CAMKK1: variants seen among roughly 807,000 people sequenced by gnomAD.
CAMKK1 encodes calcium/calmodulin dependent protein kinase kinase 1, also known as calcium/calmodulin-dependent protein kinase kinase 1.
CAMKK1 carries 20 observed loss-of-function variants against 63.5 expected under a neutral mutation model. That is an observed-to-expected ratio of 0.32 (90% CI 0.22 to 0.46). The LOEUF is 0.46. Among genes scored for constraint, CAMKK1 ranks in the 20% least tolerant of loss-of-function variants. CAMKK1 has a pLI of 1.00. For synonymous variants in CAMKK1, 253 were observed against 269.0 expected, an observed-to-expected ratio of 0.94 and a Z score of 0.58; for missense variants, 588 against 658.1, an observed-to-expected ratio of 0.89 and a Z score of 1.17.
chr17:3,879,809 C>T lies in CAMKK1; in HGVS notation c.796+537G>A, dbSNP rs925608602. 2 of 153,974 alleles carry T rather than the reference C, an allele frequency of 1.3e-5. No individual in the cohort carries two copies. Among genetic ancestry groups the T allele is most frequent in the African/African-American group, 4.8e-5 (2 of 41,490 alleles). The allele number at this position is 153,974 out of a possible 1,614,324, so 9.5% of individuals were successfully genotyped here. ...TCTGCCTGCCTAGATTCCTGTCCCT[C>T]CCACTAGGCCGTGAACTCGGGTCTG... On this transcript the variant is annotated intron_variant, in intron 9 of 15. Coordinates refer to ENST00000348335, the MANE Select transcript of CAMKK1 (RefSeq NM_032294.3). This position sits in a 1 kb window ranked among gnomAD's most constrained non-coding sequence, Gnocchi z 4.5.
chr17:3,883,340 C>A lies in CAMKK1; in HGVS notation c.514+89G>T, dbSNP rs766781054. The A allele has an allele frequency of 1.3e-6, 2 of 1,496,510 alleles. No homozygotes were observed. Among genetic ancestry groups the A allele is most frequent in the Non-Finnish European group, 1.9e-6 (2 of 1,074,494 alleles). 92.7% of individuals were successfully genotyped at this position (1,496,510 alleles called of 1,614,324 possible). On this transcript the variant is annotated intron_variant, in intron 5 of 15. Coordinates refer to ENST00000348335, the MANE Select transcript of CAMKK1 (RefSeq NM_032294.3). This position sits in a 1 kb window ranked among gnomAD's most constrained non-coding sequence, Gnocchi z 4.7. Reference sequence around the variant, plus strand: ...GCTCACGCTGTCTCCCTCTCTACCCCATTCCTAGCCAAAACTAGCTCAGGA... The same window carrying A: ...GCTCACGCTGTCTCCCTCTCTACCCAATTCCTAGCCAAAACTAGCTCAGGA...
At chr17:3,871,362 T>TG (rs2054856241) in intron 12 of CAMKK1, among the ~76,000 whole-genome samples, 1 of 121,346 alleles carries the variant, frequency 8.2e-6, no homozygotes, top group Non-Finnish European at 1.7e-5. Flanking sequence ...TTTTTTTTTT[T>TG]TTTTTTTTTT....
rs550682460 is a variant in CAMKK1, at chr17:3,890,049, C to G, written c.-44+2890G>C. Among the ~76,000 whole-genome samples, 1 of 152,196 alleles carries G rather than the reference C, an allele frequency of 6.6e-6. No individual in the cohort carries two copies. The highest frequency in any genetic ancestry group is 2.1e-4 in the South Asian group (1 of 4,832). On this transcript the variant is annotated intron_variant, in intron 1 of 15. Coordinates refer to ENST00000348335, the MANE Select transcript of CAMKK1 (RefSeq NM_032294.3). The surrounding 1 kb of genome is among the most constrained non-coding windows in gnomAD (Gnocchi z 6.5). ...TGGACAGCCGTGACCAGCAGAGGACCGAACAGAAGGGAAAGCCGCAGAGGT... is the reference window on the plus strand; with the variant it reads ...TGGACAGCCGTGACCAGCAGAGGACGGAACAGAAGGGAAAGCCGCAGAGGT...
In CAMKK1 at chr17:3,890,362, G is replaced by A. The variant is rs967263100; in HGVS notation, c.-44+2577C>T. Among the ~76,000 whole-genome samples the A allele has an allele frequency of 6.6e-6, 1 of 152,068 alleles. No homozygotes were observed. Among genetic ancestry groups the A allele is most frequent in the Non-Finnish European group, 1.5e-5 (1 of 68,010 alleles). On this transcript the variant is annotated intron_variant, in intron 1 of 15. Coordinates refer to ENST00000348335, the MANE Select transcript of CAMKK1 (RefSeq NM_032294.3). This position sits in a 1 kb window ranked among gnomAD's most constrained non-coding sequence, Gnocchi z 6.5. ...CTGACTCAGCACAGCTACCCCCAGC[G>A]CATCGTCCTGGCCCACCCACGGAGG...
intron 14 of CAMKK1, among the ~76,000 whole-genome samples, chr17:3,868,388 C>A (rs1227751353): frequency 6.3e-5 from 9 of 143,774 alleles, no homozygotes; most frequent in South Asian, 4.4e-4. Context: ...AGACGCAGGC[C>A]CATCTAACTG....
rs921509379 is a variant in CAMKK1, at chr17:3,861,089, C to G, written c.*1122G>C. The G allele has an allele frequency of 6.6e-6, 1 of 152,336 alleles. No individual in the cohort carries two copies. The highest frequency in any genetic ancestry group is 2.4e-5 in the African/African-American group (1 of 41,466). The allele number at this position is 152,336 out of a possible 1,614,324, so 9.4% of individuals were successfully genotyped here. A position where few individuals can be genotyped will look rare whatever the true frequency, so the allele number is the denominator to read the frequency against. On this transcript the variant is annotated 3_prime_UTR_variant, in exon 16 of 16. Coordinates refer to ENST00000348335, the MANE Select transcript of CAMKK1 (RefSeq NM_032294.3). ...GTGTCTGCACGCGCTCCAGCACCCC[C>G]GCTCTGAGCAGGCTGACTGCTGATG...
In CAMKK1 at chr17:3,869,625, C is replaced by A; in HGVS notation, c.1213-10G>T. 6.2e-7 allele frequency: 1 copy of A among 1,614,112 alleles called. No homozygotes were observed. Among genetic ancestry groups the A allele is most frequent in the South Asian group, 1.1e-5 (1 of 91,086 alleles). On this transcript the variant is annotated splice_polypyrimidine_tract_variant and intron_variant, in intron 13 of 15. Transcript: ENST00000348335. ...TCACCCAAGGGTGCAACTGTCGGGG[C>A]CGGGAGGGCAGGGAGAGGGGGAGAG...
Position 3,884,783 on chromosome 17 carries a change from C to G in CAMKK1, c.361-356G>C, listed in dbSNP as rs1209908152. On this transcript the variant is annotated intron_variant, in intron 2 of 15. Transcript: ENST00000348335. The surrounding 1 kb of genome is among the most constrained non-coding windows in gnomAD (Gnocchi z 4.5). ...TCCAGAAGCAGCTGAATGAGAAGGTCTAGACTCCAAGGACAAGATGAGGAG... is the reference window on the plus strand; with the variant it reads ...TCCAGAAGCAGCTGAATGAGAAGGTGTAGACTCCAAGGACAAGATGAGGAG... Among the ~76,000 whole-genome samples, 1 of 152,176 alleles carries G rather than the reference C, an allele frequency of 6.6e-6. No individual in the cohort carries two copies. The highest frequency in any genetic ancestry group is 2.4e-5 in the African/African-American group (1 of 41,424).
Position 3,883,513 on chromosome 17 carries a change from T to G in CAMKK1, c.463-33A>C, listed in dbSNP as rs1270718404. ...AGGAGGGACAGAAATGTCACTACTG[T>G]GCAGCCACCAGGGGCTAGAACAGGC... On this transcript the variant is annotated intron_variant, in intron 4 of 15. Coordinates refer to ENST00000348335, the MANE Select transcript of CAMKK1 (RefSeq NM_032294.3). This position sits in a 1 kb window ranked among gnomAD's most constrained non-coding sequence, Gnocchi z 4.7. 1.3e-6 allele frequency: 2 copies of G among 1,565,218 alleles called. No homozygotes were observed. Among genetic ancestry groups the G allele is most frequent in the Admixed American group, 1.7e-5 (1 of 59,914 alleles).
chr17:3,870,475 C>T (rs2054794021), intron 12 of CAMKK1, among the ~76,000 whole-genome samples: 1 of 152,074 alleles, frequency 6.6e-6, no homozygotes, highest in Non-Finnish European at 1.5e-5. Flanking sequence ...ATGCCATTCT[C>T]CTGCCTCAGC....
Position 3,883,151 on chromosome 17 carries a change from T to G in CAMKK1, c.539A>C (p.Gln180Pro). 1.2e-6 allele frequency: 2 copies of G among 1,612,056 alleles called. No homozygotes were observed. Among genetic ancestry groups the G allele is most frequent in the Non-Finnish European group, 1.7e-6 (2 of 1,179,956 alleles). The change falls in exon 6 of 16, where the codon CAG becomes CCG. Residue 180 changes from glutamine to proline, a missense_variant. By Grantham distance (76) the Gln-to-Pro change is moderately conservative. Around this residue, in one of 3 missense-constraint regions of CAMKK1, gnomAD observed 357 missense variants for 407.4 expected, o/e 0.88. Coordinates refer to ENST00000348335, the MANE Select transcript of CAMKK1 (RefSeq NM_032294.3). The surrounding 1 kb of genome is among the most constrained non-coding windows in gnomAD (Gnocchi z 4.7). ...FPRRPPPRGS[Q>P]AAQGGPAKQL... ...CTTGGCTGGTCCTCCCTGGGCAGCC[T>G]GGGACCCTCTCGGGGGAGGGCGACC...
intron 9 of CAMKK1, 38 bp downstream of exon 9, chr17:3,880,308 T>TAGCCCC (rs1567628445): frequency 1.9e-6 from 3 of 1,574,574 alleles, no homozygotes; most frequent in Admixed American, 3.3e-5. Flanking sequence ...CCAGATCCCC[T>TAGCCCC]AGCCCCAGCC....
At position 3,884,528 on chromosome 17, in the gene CAMKK1, A is replaced by C; in HGVS notation, c.361-101T>G. On this transcript the variant is annotated intron_variant, in intron 2 of 15. Coordinates refer to ENST00000348335, the MANE Select transcript of CAMKK1 (RefSeq NM_032294.3). The surrounding 1 kb of genome is among the most constrained non-coding windows in gnomAD (Gnocchi z 4.5). ...GTCCAATTCTGGCCATAAGCTCCTC[A>C]TTCCCGGACCCCCAGGTCTCACCAA... 22 of 1,094,916 alleles carry C rather than the reference A, an allele frequency of 2.0e-5. No individual in the cohort carries two copies. Among genetic ancestry groups the C allele is most frequent in the Non-Finnish European group, 2.8e-5 (21 of 756,116 alleles). The allele number at this position is 1,094,916 out of a possible 1,614,324, so 67.8% of individuals were successfully genotyped here.
At chr17:3,881,518 G>T in intron 8 of CAMKK1, 109 bp downstream of exon 8, 1 of 1,090,526 alleles carries the variant, frequency 9.2e-7, no homozygotes, top group Non-Finnish European at 1.4e-6. Flanking sequence ...CAGGGCCTCC[G>T]TCTCTGACTT....
Position 3,883,265 on chromosome 17 carries a change from G to C in CAMKK1, c.515-90C>G. 1 of 1,563,290 alleles carries C rather than the reference G, an allele frequency of 6.4e-7. No homozygotes were observed. Among genetic ancestry groups the C allele is most frequent in the Non-Finnish European group, 8.8e-7 (1 of 1,142,684 alleles). On this transcript the variant is annotated intron_variant, in intron 5 of 15. Transcript: ENST00000348335. The surrounding 1 kb of genome is among the most constrained non-coding windows in gnomAD (Gnocchi z 4.7). Reference sequence around the variant, plus strand: ...CCAGTCTCAAGCAAGAGTCTTGCATGCCCGTGGTCTTGTCCCAACCCACAG... The same window carrying C: ...CCAGTCTCAAGCAAGAGTCTTGCATCCCCGTGGTCTTGTCCCAACCCACAG...
rs1468893712 is a variant in CAMKK1, at chr17:3,890,857, A to G, written c.-44+2082T>C. ...CTGAGCCCTCCTTGATCTCCCCACT[A>G]CCTGCTGGGTGAGCTCACCAAGTCA... is the stretch of plus-strand genomic sequence containing the variant. On this transcript the variant is annotated intron_variant, in intron 1 of 15. Transcript: ENST00000348335. This position sits in a 1 kb window ranked among gnomAD's most constrained non-coding sequence, Gnocchi z 6.5. 5 of 743,716 alleles carry G rather than the reference A, an allele frequency of 6.7e-6. No homozygotes were observed. Among genetic ancestry groups the G allele is most frequent in the African/African-American group, 5.1e-5 (3 of 58,262 alleles). 46.1% of individuals were successfully genotyped at this position (743,716 alleles called of 1,614,324 possible).
intron 1 of CAMKK1, among the ~76,000 whole-genome samples, chr17:3,888,127 C>T (rs956718761): frequency 6.6e-6 from 1 of 152,206 alleles, no homozygotes; most frequent in Non-Finnish European, 1.5e-5. Context: ...AGAATGAACT[C>T]CAGAGTCAGG....
chr17:3,869,402 G>C, intron 14 of CAMKK1, 85 bp downstream of exon 14: 1 of 1,562,588 alleles, frequency 6.4e-7, no homozygotes. Context: ...GCAGGCCTCT[G>C]TCCCCCCAAG....
Position 3,872,655 on chromosome 17 carries a change from T to C in CAMKK1, c.1051-28A>G, listed in dbSNP as rs757759225. The C allele has an allele frequency of 2.5e-6, 4 of 1,603,256 alleles. No individual in the cohort carries two copies. In the African/African-American group the frequency reaches 4.0e-5, roughly 16 times the overall value. On this transcript the variant is annotated intron_variant, in intron 11 of 15. Transcript: ENST00000348335. ...GTGGGGTGGAGAGGCAGACAAAGGA[T>C]GTGGGTCCAGGGCCTCGACCTGTGC...
Sources: gnomAD v4.1 joint callset for allele counts (sites outside exome capture counted in the v4.1 genomes callset) on GRCh38, gnomAD v4.1.1 for gene constraint, gnomAD v4.1.1 regional missense constraint, Gnocchi (gnomAD v3.1) non-coding constraint, MANE v1.5 for transcripts, NCBI Gene and HGNC (gene_info 2026-07-23, HGNC 2026-07-21) for gene names.